Variants in PTGS1 observed in about 807,000 individuals in gnomAD.
PTGS1 encodes the protein prostaglandin-endoperoxide synthase 1.
In PTGS1, 40 loss-of-function variants were observed where a neutral mutation model predicts 63.0. The observed-to-expected ratio is 0.63, with a 90% CI of 0.49 to 0.83. The LOEUF (loss-of-function observed/expected upper bound fraction) is 0.83, where lower values mean the gene tolerates loss of function less well. PTGS1 is among the 40% of genes least tolerant of loss of function. The pLI is 0.00. For synonymous variants in PTGS1, 298 were observed against 301.9 expected (o/e 0.99, Z 0.13); for missense variants, 709 against 786.5 (o/e 0.90, Z 1.18).
At chr9:122,387,304 T>C (rs1017238890) in intron 9 of PTGS1, among the ~76,000 whole-genome samples, 2 of 151,986 alleles carry the variant, frequency 1.3e-5, no homozygotes, top group East Asian at 1.9e-4. Context: ...TCAGAGGACA[T>C]GGCAGTTTGA....
At chr9:122,374,633 C>G (rs901199223) in intron 2 of PTGS1, among the ~76,000 whole-genome samples, 5 of 152,172 alleles carry the variant, frequency 3.3e-5, no homozygotes. Context: ...GAAGTTAGAC[C>G]GAAGGAAGGC....
At chr9:122,390,544 G>C (rs1838158312) in intron 10 of PTGS1, among the ~76,000 whole-genome samples, 199 bp downstream of exon 10, 2 of 152,154 alleles carry the variant, frequency 1.3e-5, no homozygotes, top group African/African-American at 2.4e-5. Context: ...TGGGTTTGGA[G>C]AACAAATGGC....
At chr9:122,381,867 G>A (rs1191573434) in intron 7 of PTGS1, 120 bp downstream of exon 7, 2 of 1,007,902 alleles carry the variant, frequency 2.0e-6, no homozygotes, top group Non-Finnish European at 3.0e-6. Context: ...GGAGTGGGAA[G>A]CTTGTGCCAG....
At chr9:122,373,840 A>G (rs1271245334) in intron 2 of PTGS1, among the ~76,000 whole-genome samples, 2 of 147,616 alleles carry the variant, frequency 1.4e-5, no homozygotes, top group Non-Finnish European at 3.0e-5. Flanking sequence ...AGGCCAAACC[A>G]GTCAGGGTTC....
chr9:122,388,926 G>T (rs1838038478), intron 9 of PTGS1, among the ~76,000 whole-genome samples: 1 of 152,112 alleles, frequency 6.6e-6, no homozygotes, highest in African/African-American at 2.4e-5. Flanking sequence ...GAGAGTTAGG[G>T]CTTCAACACA....
At position 122,371,246 on chromosome 9, in the gene PTGS1, T is replaced by C; in HGVS notation, c.68T>C (p.Leu23Pro). Reference sequence around the variant, plus strand: ...CTGCTCCCGCCGCTCCCCGTCCTGCTCGCGGACCCAGGGGCGCCCACGCCA... The same window carrying C: ...CTGCTCCCGCCGCTCCCCGTCCTGCCCGCGGACCCAGGGGCGCCCACGCCA... Reference protein sequence around the residue: ...LLLLPPLPVLLADPGAPTPVN... With the variant: ...LLLLPPLPVLPADPGAPTPVN... Residue 23 changes from leucine to proline, a missense_variant, in exon 2 of 11, where the codon CTC becomes CCC. Physicochemically the swap from Leu to Pro is moderately conservative, Grantham distance 98 (BLOSUM62 -3). Transcript: ENST00000362012. 1 of 1,607,030 alleles carries C rather than the reference T, an allele frequency of 6.2e-7. No individual in the cohort carries two copies. Among genetic ancestry groups the C allele is most frequent in the Non-Finnish European group, 8.5e-7 (1 of 1,179,932 alleles).
rs111567157 is a variant in PTGS1 at position 122,391,321 on chromosome 9, C to T, written c.1445-868C>T. Among the ~76,000 whole-genome samples the T allele has an allele frequency of 1.9e-3, 228 of 118,320 alleles. 1 individual carries two copies. The highest frequency in any genetic ancestry group is 2.9e-3 in the Non-Finnish European group (187 of 63,550). The allele number at this position is 118,320 out of a possible 152,430, so 77.6% of individuals were successfully genotyped here. A position where few individuals can be genotyped will look rare whatever the true frequency, so the allele number is the denominator to read the frequency against. ...CAATACATATATACATATACACACA[C>T]ATATATATGTGTGTGTATATATATA... On this transcript the variant is annotated intron_variant, in intron 10 of 10. Coordinates refer to ENST00000362012, the MANE Select transcript of PTGS1 (RefSeq NM_000962.4).
chr9:122,386,825 G>A (rs934156106), intron 9 of PTGS1, 93 bp downstream of exon 9: 1 of 1,454,226 alleles, frequency 6.9e-7, no homozygotes, highest in African/African-American at 1.4e-5. Flanking sequence ...GTAAAATGGG[G>A]CTGATGTCAC....
At chr9:122,390,634 G>A (rs536136579) in intron 10 of PTGS1, among the ~76,000 whole-genome samples, 66 of 152,214 alleles carry the variant, frequency 4.3e-4, no homozygotes, top group African/African-American at 1.5e-3. Flanking sequence ...AAGGTGGCTC[G>A]CGCCTGTAAT....
intron 2 of PTGS1, among the ~76,000 whole-genome samples, chr9:122,375,969 C>G (rs1423683470): frequency 6.6e-6 from 1 of 152,048 alleles, no homozygotes; most frequent in Non-Finnish European, 1.5e-5. Flanking sequence ...GGGTTGGGAG[C>G]TGGGCAGTGG....
In PTGS1 at chr9:122,394,365, T is replaced by C. The variant is rs201265573; in HGVS notation, c.*1821T>C. On this transcript the variant is annotated 3_prime_UTR_variant, in exon 11 of 11. Coordinates refer to ENST00000362012, the MANE Select transcript of PTGS1 (RefSeq NM_000962.4). ...TGACAGTCCTTGGGGTTAAGTCTCC[T>C]GTCTTATGGTCCAGAAACTCCTGTT... The C allele has an allele frequency of 6.6e-6, 1 of 152,220 alleles. No individual in the cohort carries two copies. Among genetic ancestry groups the C allele is most frequent in the African/African-American group, 2.4e-5 (1 of 41,458 alleles). 9.4% of individuals were successfully genotyped at this position (152,220 alleles called of 1,614,324 possible).
chr9:122,383,837 G>A (rs1337865411), intron 8 of PTGS1, 82 bp downstream of exon 8: 1 of 1,542,544 alleles, frequency 6.5e-7, no homozygotes, highest in Non-Finnish European at 8.7e-7. Flanking sequence ...ACTTAGAGGT[G>A]GAGGCTGGGA....
intron 8 of PTGS1, 95 bp downstream of exon 8, chr9:122,383,850 A>T: frequency 6.6e-7 from 1 of 1,511,886 alleles, no homozygotes; most frequent in Non-Finnish European, 8.9e-7. Flanking sequence ...GGCTGGGATT[A>T]GAATCCTCAC....
At chr9:122,389,177 A>G (rs28660644) in intron 9 of PTGS1, among the ~76,000 whole-genome samples, 10,030 of 117,062 alleles carry the variant, frequency 0.086, 1,206 homozygotes, top group African/African-American at 0.28. Context: ...TTGAGATACA[A>G]TCTTGCTCTC....
intron 10 of PTGS1, among the ~76,000 whole-genome samples, chr9:122,391,070 C>T (rs1838191978): frequency 6.6e-6 from 1 of 151,424 alleles, no homozygotes; most frequent in African/African-American, 2.4e-5. Context: ...TTTATTTGGT[C>T]TAGTGCTTTC....
rs539031368 is a variant in PTGS1 at position 122,371,354 on chromosome 9, C to T, written c.94+82C>T. 23 of 1,581,672 alleles carry T rather than the reference C, an allele frequency of 1.5e-5. No homozygotes were observed. In the East Asian group the frequency reaches 4.1e-4, roughly 28 times the overall value. ...TTCAACCCCCTCCTTTCCCCTCCAGCGGGCCCAGCTTCCCCTTTCTGCTCG... is the reference window on the plus strand; with the variant it reads ...TTCAACCCCCTCCTTTCCCCTCCAGTGGGCCCAGCTTCCCCTTTCTGCTCG... On this transcript the variant is annotated intron_variant, in intron 2 of 10. Transcript: ENST00000362012.
At chr9:122,385,034 T>G (rs1050763866) in intron 8 of PTGS1, among the ~76,000 whole-genome samples, 8 of 152,204 alleles carry the variant, frequency 5.3e-5, no homozygotes, top group African/African-American at 1.9e-4. Context: ...CTTGGCTCAC[T>G]GCAACCTCTG....
chr9:122,386,142 A>AG (rs1564142031), intron 8 of PTGS1, among the ~76,000 whole-genome samples: 1 of 151,492 alleles, frequency 6.6e-6, no homozygotes, highest in African/African-American at 2.4e-5. Flanking sequence ...AAAAAAAAAA[A>AG]AAAGAAAGAA....
chr9:122,374,907 G>A (rs915099854), intron 2 of PTGS1, among the ~76,000 whole-genome samples: 7 of 152,164 alleles, frequency 4.6e-5, no homozygotes, highest in African/African-American at 1.7e-4. Context: ...TGGGGTCTGG[G>A]CAAGCCTCCT....
Sources: gnomAD v4.1 joint callset for allele counts (sites outside exome capture counted in the v4.1 genomes callset) on GRCh38, gnomAD v4.1.1 for gene constraint, MANE v1.5 for transcripts, NCBI Gene and HGNC (gene_info 2026-07-23, HGNC 2026-07-21) for gene names.